The following CFAP299 variants were observed in gnomAD, a reference collection of about 807,000 sequenced individuals.
The protein encoded by CFAP299 is cilia- and flagella-associated protein 299.
CFAP299 carries 21 observed loss-of-function variants against 27.0 expected under a neutral mutation model. The ratio of observed to expected loss-of-function variants is 0.78; its 90% CI spans 0.55 to 1.12. The LOEUF is 1.12. Among genes scored for constraint, CFAP299 ranks in the 50% most tolerant of loss-of-function variants. The pLI, the probability that CFAP299 is intolerant of heterozygous loss-of-function variation, is 0.00. For missense variants in CFAP299, 310 were observed against 276.6 expected, an observed-to-expected ratio of 1.12 and a Z score of -0.86; for synonymous variants, 104 against 98.1, an observed-to-expected ratio of 1.06 and a Z score of -0.36.
intron 2 of CFAP299, among the ~76,000 whole-genome samples, chr4:80,470,383 C>T (rs1729934948): frequency 6.6e-6 from 1 of 152,074 alleles, no homozygotes; most frequent in South Asian, 2.1e-4. Flanking sequence ...GTATATGACT[C>T]TACTGGGTTT....
chr4:80,685,489 T>C (rs1437616077), intron 3 of CFAP299, among the ~76,000 whole-genome samples: 1 of 151,828 alleles, frequency 6.6e-6, no homozygotes, highest in Non-Finnish European at 1.5e-5. Flanking sequence ...GTTGGATAGG[T>C]TCTTGTATAC....
intron 3 of CFAP299, among the ~76,000 whole-genome samples, chr4:80,824,695 T>G (rs1005032646): frequency 2.0e-5 from 3 of 152,080 alleles, no homozygotes; most frequent in African/African-American, 7.2e-5. Context: ...GGACCTTAAG[T>G]TTACATGTCA....
chr4:80,635,352 A>G (rs1215945817), intron 3 of CFAP299, among the ~76,000 whole-genome samples: 1 of 152,146 alleles, frequency 6.6e-6, no homozygotes, highest in Non-Finnish European at 1.5e-5. Flanking sequence ...AATCTGTAAC[A>G]AAACCTTCCT....
intron 3 of CFAP299, among the ~76,000 whole-genome samples, chr4:80,623,227 C>G (rs1738696382): frequency 6.6e-6 from 1 of 151,776 alleles, no homozygotes; most frequent in Non-Finnish European, 1.5e-5. Context: ...GTTTGCAAAT[C>G]AAGATTCTAA....
intron 3 of CFAP299, among the ~76,000 whole-genome samples, chr4:80,832,097 TC>T (rs747154313): frequency 1.1e-4 from 16 of 152,158 alleles, no homozygotes; most frequent in Non-Finnish European, 2.1e-4. Context: ...GGATTTTTAC[TC>T]CTTTGATGCT....
At chr4:80,827,824 T>C (rs1730066514) in intron 3 of CFAP299, among the ~76,000 whole-genome samples, 1 of 152,132 alleles carries the variant, frequency 6.6e-6, no homozygotes, top group Non-Finnish European at 1.5e-5. Flanking sequence ...CTAATATGTC[T>C]TAAAACTAAT....
intron 2 of CFAP299, among the ~76,000 whole-genome samples, chr4:80,400,027 A>G (rs901955120): frequency 6.6e-6 from 1 of 152,084 alleles, no homozygotes; most frequent in Non-Finnish European, 1.5e-5. Context: ...TAATTCCTCT[A>G]TTTGTTGGAT....
At chr4:80,905,620 C>T (rs897098738) in intron 4 of CFAP299, among the ~76,000 whole-genome samples, 1 of 152,104 alleles carries the variant, frequency 6.6e-6, no homozygotes, top group Non-Finnish European at 1.5e-5. Context: ...CTCACAGTTC[C>T]ACAGGGTTGG....
intron 2 of CFAP299, among the ~76,000 whole-genome samples, chr4:80,392,619 C>T (rs181941099): frequency 6.6e-6 from 1 of 152,246 alleles, no homozygotes; most frequent in Non-Finnish European, 1.5e-5. Context: ...TTTGCTTCCC[C>T]TTCTGCCATG....
At position 80,913,876 on chromosome 4, in the gene CFAP299, C is replaced by T. The variant is rs114162382; in HGVS notation, c.477-30934C>T. ...TTGATCCTCAACTCCCACACTGGCC[C>T]CATTGATCCACTTTTTTAGTACTAT... is the stretch of plus-strand genomic sequence containing the variant. On this transcript the variant is annotated intron_variant, in intron 4 of 5. Transcript: ENST00000358105. Among the ~76,000 whole-genome samples the T allele has an allele frequency of 6.8e-3, 1,029 of 152,230 alleles. 9 individuals carry two copies. The highest frequency in any genetic ancestry group is 0.012 in the Non-Finnish European group (794 of 68,006).
At chr4:80,731,721 C>A (rs1345461557) in intron 3 of CFAP299, among the ~76,000 whole-genome samples, 2 of 152,196 alleles carry the variant, frequency 1.3e-5, no homozygotes, top group African/African-American at 2.4e-5. Flanking sequence ...TTTTTAAGTT[C>A]ATTGGCCTAA....
intron 2 of CFAP299, among the ~76,000 whole-genome samples, chr4:80,416,170 G>C (rs1488464281): frequency 6.6e-6 from 1 of 152,182 alleles, no homozygotes; most frequent in East Asian, 1.9e-4. Context: ...TTGGAAATCT[G>C]GCACTGGGGT....
chr4:80,762,620 T>G (rs1330779758), intron 3 of CFAP299, among the ~76,000 whole-genome samples: 1 of 152,166 alleles, frequency 6.6e-6, no homozygotes, highest in Non-Finnish European at 1.5e-5. Flanking sequence ...ATCCTTGTAC[T>G]GGGTCCTTTC....
At chr4:80,641,822 T>C (rs771706774) in intron 3 of CFAP299, among the ~76,000 whole-genome samples, 2 of 152,156 alleles carry the variant, frequency 1.3e-5, no homozygotes, top group Non-Finnish European at 2.9e-5. Context: ...CAAAACAAAG[T>C]GGCATGTGAG....
intron 2 of CFAP299, among the ~76,000 whole-genome samples, chr4:80,399,550 A>T: frequency 6.6e-6 from 1 of 152,108 alleles, no homozygotes; most frequent in Non-Finnish European, 1.5e-5. Context: ...AGGGACATGG[A>T]TGAAGCTGGA....
intron 2 of CFAP299, among the ~76,000 whole-genome samples, chr4:80,443,816 A>T (rs529802153): frequency 6.6e-6 from 1 of 152,204 alleles, no homozygotes; most frequent in African/African-American, 2.4e-5. Context: ...TTAAGCTGAT[A>T]AACAACTGCA....
At chr4:80,496,997 T>C (rs191094194) in intron 2 of CFAP299, among the ~76,000 whole-genome samples, 16 of 152,306 alleles carry the variant, frequency 1.1e-4, no homozygotes, top group Admixed American at 4.6e-4. Flanking sequence ...CCAAAGGCTA[T>C]GGTGCTAAAC....
chr4:80,820,652 G>A (rs1287946698), intron 3 of CFAP299, among the ~76,000 whole-genome samples: 1 of 152,134 alleles, frequency 6.6e-6, no homozygotes, highest in East Asian at 1.9e-4. Flanking sequence ...TCTGACTCGT[G>A]TTTTAAAAGG....
At chr4:80,565,767 T>G (rs1735251069) in intron 2 of CFAP299, among the ~76,000 whole-genome samples, 1 of 152,118 alleles carries the variant, frequency 6.6e-6, no homozygotes, top group Non-Finnish European at 1.5e-5. Context: ...AGCCTTAAAC[T>G]GTTTTGAATA....
Sources: gnomAD v4.1 joint callset for allele counts (sites outside exome capture counted in the v4.1 genomes callset) on GRCh38, gnomAD v4.1.1 for gene constraint, MANE v1.5 for transcripts, NCBI Gene and HGNC (gene_info 2026-07-23, HGNC 2026-07-21) for gene names.